HLCS: variants seen among roughly 807,000 people sequenced by gnomAD.
The protein encoded by HLCS is holocarboxylase synthetase, also known as biotin--protein ligase.
Under a neutral mutation model 75.0 loss-of-function variants are expected in HLCS, and 53 were observed. That is an observed-to-expected ratio of 0.71 (90% confidence interval 0.57 to 0.89). The LOEUF (loss-of-function observed/expected upper bound fraction) is 0.89. Among genes scored for constraint, HLCS ranks in the 40% least tolerant of loss-of-function variants. HLCS has a pLI of 0.00. For synonymous variants in HLCS, 431 were observed against 428.6 expected (o/e 1.01, Z -0.07); for missense variants, 966 against 1,074.0 (o/e 0.90, Z 1.41).
chr21:36,959,813 C>T (rs972997891), intron 2 of HLCS, among the ~76,000 whole-genome samples: 4 of 152,198 alleles, frequency 2.6e-5, no homozygotes, highest in Admixed American at 2.6e-4. Flanking sequence ...CTCATTCTTC[C>T]TGGATGCAGG....
chr21:36,812,527 A>C (rs1348846069), intron 6 of HLCS, among the ~76,000 whole-genome samples: 1 of 152,176 alleles, frequency 6.6e-6, no homozygotes, highest in Non-Finnish European at 1.5e-5. Flanking sequence ...CATTTTTATG[A>C]GTCTTTGTAA....
At chr21:36,921,281 C>G (rs2066153604) in intron 5 of HLCS, among the ~76,000 whole-genome samples, 1 of 152,128 alleles carries the variant, frequency 6.6e-6, no homozygotes. Context: ...CCCGTCTCTA[C>G]TAAAAATACA....
intron 6 of HLCS, among the ~76,000 whole-genome samples, chr21:36,793,421 C>T (rs938679029): frequency 6.6e-6 from 1 of 151,630 alleles, no homozygotes; most frequent in African/African-American, 2.4e-5. Flanking sequence ...CCTTCCTCAG[C>T]CTCCCAAGTA....
intron 8 of HLCS, among the ~76,000 whole-genome samples, chr21:36,763,861 C>A (rs1410762166): frequency 6.6e-6 from 1 of 152,172 alleles, no homozygotes; most frequent in Non-Finnish European, 1.5e-5. Flanking sequence ...AAACATCCAA[C>A]AGTAATAAGG....
intron 2 of HLCS, among the ~76,000 whole-genome samples, chr21:36,942,909 G>A (rs1037261974): frequency 2.6e-5 from 4 of 151,614 alleles, no homozygotes; most frequent in Non-Finnish European, 4.4e-5. Flanking sequence ...CAGCCTGGGC[G>A]ACAGAGCGAG....
chr21:36,782,216 C>A (rs929681391), intron 6 of HLCS, among the ~76,000 whole-genome samples: 1 of 152,044 alleles, frequency 6.6e-6, no homozygotes, highest in Non-Finnish European at 1.5e-5. Flanking sequence ...ATGAGCCCAT[C>A]CTTTTTCCAC....
intron 6 of HLCS, among the ~76,000 whole-genome samples, chr21:36,881,483 G>A (rs902976923): frequency 6.6e-6 from 1 of 152,182 alleles, no homozygotes; most frequent in African/African-American, 2.4e-5. Context: ...GAATGAAGCC[G>A]AGTTATGAAT....
At chr21:36,757,850 G>A (rs183221155) in intron 9 of HLCS, among the ~76,000 whole-genome samples, 67 of 152,324 alleles carry the variant, frequency 4.4e-4, no homozygotes, top group East Asian at 1.5e-3. Flanking sequence ...CCTACTGAAC[G>A]TTCGTAAGGC....
chr21:36,881,649 G>A (rs1416567526), intron 6 of HLCS, among the ~76,000 whole-genome samples: 2 of 152,164 alleles, frequency 1.3e-5, no homozygotes, highest in East Asian at 1.9e-4. Flanking sequence ...ACAGGGCAGG[G>A]CATAAAAAGA....
rs1568950381 is a variant in HLCS at position 36,751,621 on chromosome 21, C to G, written c.*2625G>C. The G allele has an allele frequency of 2.6e-5, 4 of 152,414 alleles. No individual in the cohort carries two copies. The highest frequency in any genetic ancestry group is 5.9e-5 in the Non-Finnish European group (4 of 68,170). 9.4% of individuals were successfully genotyped at this position (152,414 alleles called of 1,614,324 possible). On this transcript the variant is annotated 3_prime_UTR_variant, in exon 11 of 11. Transcript: ENST00000674895. ...GTCAGCCTGCTGCAGTGAAACTCAA[C>G]CACGATTTTCCTTTGCACACAAATC...
At chr21:36,808,703 C>A (rs2061427920) in intron 6 of HLCS, among the ~76,000 whole-genome samples, 1 of 152,114 alleles carries the variant, frequency 6.6e-6, no homozygotes. Flanking sequence ...AGAAAGAAAA[C>A]TAGTATTTTG....
chr21:36,963,791 T>C (rs1295208890), intron 1 of HLCS, among the ~76,000 whole-genome samples: 1 of 152,216 alleles, frequency 6.6e-6, no homozygotes, highest in Non-Finnish European at 1.5e-5. Flanking sequence ...GCATAGAATG[T>C]GTACATTAAA....
At chr21:36,844,015 T>C (rs1346219893) in intron 6 of HLCS, among the ~76,000 whole-genome samples, 2 of 152,164 alleles carry the variant, frequency 1.3e-5, no homozygotes, top group East Asian at 1.9e-4. Flanking sequence ...CTCTGAAAGA[T>C]AAAATGTCAA....
At chr21:36,785,455 C>G (rs527370706) in intron 6 of HLCS, among the ~76,000 whole-genome samples, 3 of 151,832 alleles carry the variant, frequency 2.0e-5, no homozygotes, top group Non-Finnish European at 4.4e-5. Context: ...TCTCCCGGCT[C>G]TCTGCCTGTG....
intron 6 of HLCS, among the ~76,000 whole-genome samples, chr21:36,885,926 C>T (rs1304537347): frequency 2.0e-5 from 3 of 152,118 alleles, no homozygotes; most frequent in East Asian, 1.9e-4. Context: ...CAAGTTTACT[C>T]GTCTAATAAA....
chr21:36,889,670 A>T lies in HLCS; in HGVS notation c.1892+7190T>A, dbSNP rs567441319. 2.6e-5 allele frequency among the ~76,000 whole-genome samples: 4 copies of T among 152,264 alleles called. No individual in the cohort carries two copies. In the South Asian group the frequency reaches 8.3e-4, roughly 32 times the overall value. On this transcript the variant is annotated intron_variant, in intron 6 of 10. Coordinates refer to ENST00000674895, the MANE Select transcript of HLCS (RefSeq NM_001352514.2). ...CCAATAGCTCACATTTTGCAAAGGG[A>T]TTCCTGAGCTGTAGCTGTGGGATGT...
chr21:36,929,807 G>A (rs1482500319), intron 5 of HLCS, among the ~76,000 whole-genome samples: 2 of 152,232 alleles, frequency 1.3e-5, no homozygotes, highest in Non-Finnish European at 2.9e-5. Context: ...TCCCAGCTCC[G>A]TGGGCATTTT....
intron 6 of HLCS, among the ~76,000 whole-genome samples, chr21:36,810,328 C>G (rs1487896933): frequency 1.3e-5 from 2 of 152,166 alleles, no homozygotes; most frequent in Non-Finnish European, 2.9e-5. Flanking sequence ...GCAGCAAGCA[C>G]AGATTTTTTT....
intron 6 of HLCS, among the ~76,000 whole-genome samples, chr21:36,868,237 GAGAA>G (rs1265409526): frequency 3.3e-3 from 415 of 125,634 alleles, no homozygotes; most frequent in African/African-American, 0.01. Context: ...GAAAGAGAAA[GAGAA>G]AGAAAGAAAG....
Sources: allele counts gnomAD v4.1 joint callset (sites outside exome capture counted in the v4.1 genomes callset), GRCh38; gene constraint gnomAD v4.1.1; transcripts MANE v1.5; gene names NCBI Gene and HGNC (gene_info 2026-07-23, HGNC 2026-07-21).